ADH4: variants seen among roughly 807,000 people sequenced by gnomAD.
ADH4 encodes the protein all-trans-retinol dehydrogenase [NAD(+)] ADH4.
In ADH4, 31 loss-of-function variants were observed where a neutral mutation model predicts 35.2. The observed-to-expected ratio is 0.88, with a 90% CI of 0.66 to 1.19. The LOEUF (loss-of-function observed/expected upper bound fraction) is 1.19. Among genes scored for constraint, ADH4 ranks in the 50% most tolerant of loss-of-function variants. ADH4 has a pLI of 0.00. For synonymous variants in ADH4, 171 were observed against 160.2 expected (o/e 1.07, Z -0.51); for missense variants, 476 against 458.3 (o/e 1.04, Z -0.35).
intron 3 of ADH4, among the ~76,000 whole-genome samples, chr4:99,140,927 G>T (rs1048706544): frequency 6.6e-6 from 1 of 151,862 alleles, no homozygotes; most frequent in Non-Finnish European, 1.5e-5. Context: ...TACATGTGCA[G>T]GTTTGCTATA....
chr4:99,136,211 T>C (rs1729427800), intron 5 of ADH4, among the ~76,000 whole-genome samples: 1 of 152,198 alleles, frequency 6.6e-6, no homozygotes, highest in Non-Finnish European at 1.5e-5. Context: ...AATATGTTAG[T>C]ATAGTATAAG....
At chr4:99,126,058 TC>T (rs952180912) in intron 8 of ADH4, among the ~76,000 whole-genome samples, 1 of 152,142 alleles carries the variant, frequency 6.6e-6, no homozygotes, top group African/African-American at 2.4e-5. Flanking sequence ...GTTCCTGGGA[TC>T]CCTGACATGG....
intron 5 of ADH4, among the ~76,000 whole-genome samples, chr4:99,135,572 C>T (rs1279689374): frequency 6.6e-6 from 1 of 152,038 alleles, no homozygotes; most frequent in Non-Finnish European, 1.5e-5. Flanking sequence ...TGCTGGAAGC[C>T]AAGTGTGGAA....
intron 3 of ADH4, 61 bp from the exon 4 acceptor site, chr4:99,139,209 T>C (rs898788736): frequency 9.0e-7 from 1 of 1,116,756 alleles, no homozygotes; most frequent in South Asian, 1.4e-5. Flanking sequence ...TTCTACCAGA[T>C]AAATCAGTGG....
chr4:99,127,425 G>GA (rs1246377296), intron 6 of ADH4, 81 bp from the exon 7 acceptor site: 6 of 1,163,222 alleles, frequency 5.2e-6, no homozygotes, highest in African/African-American at 1.6e-5. Flanking sequence ...CAATGCTTTA[G>GA]AAAAAAATTA....
At chr4:99,132,953 G>GTA (rs772941672) in intron 5 of ADH4, among the ~76,000 whole-genome samples, 3 of 152,066 alleles carry the variant, frequency 2.0e-5, no homozygotes, top group Non-Finnish European at 4.4e-5. Flanking sequence ...TAATAAATAT[G>GTA]TATATATATT....
At chr4:99,141,779 T>C in intron 2 of ADH4, 97 bp from the exon 3 acceptor site, 3 of 1,187,538 alleles carry the variant, frequency 2.5e-6, no homozygotes, top group Non-Finnish European at 3.5e-6. Flanking sequence ...TTTAAAACTT[T>C]ATAAGACTTC....
chr4:99,124,348 C>G lies in ADH4; in HGVS notation c.*94G>C, dbSNP rs1452953058. 2 of 867,938 alleles carry G rather than the reference C, an allele frequency of 2.3e-6. No homozygotes were observed. Among genetic ancestry groups the G allele is most frequent in the Non-Finnish European group, 3.7e-6 (2 of 544,258 alleles). The allele number at this position is 867,938 out of a possible 1,614,324, so 53.8% of individuals were successfully genotyped here. A position where few individuals can be genotyped will look rare whatever the true frequency, so the allele number is the denominator to read the frequency against. On this transcript the variant is annotated 3_prime_UTR_variant, in exon 9 of 9. Coordinates refer to ENST00000265512, the MANE Select transcript of ADH4 (RefSeq NM_000670.5). ...TATTAAATGTAAATATTTGTTTAAA[C>G]TCATGGCTTTCCTTGGTTCATCAAA...
intron 5 of ADH4, among the ~76,000 whole-genome samples, chr4:99,133,957 T>C (rs1729360747): frequency 6.6e-6 from 1 of 152,216 alleles, no homozygotes; most frequent in Admixed American, 6.5e-5. Context: ...GATATGTATA[T>C]ACACAATGGA....
intron 4 of ADH4, among the ~76,000 whole-genome samples, chr4:99,137,701 T>C (rs1729491037): frequency 6.6e-6 from 1 of 152,214 alleles, no homozygotes; most frequent in Non-Finnish European, 1.5e-5. Flanking sequence ...TGAACCCTTA[T>C]GTGTCCATGT....
rs1274040769 is a variant in ADH4, at chr4:99,126,669, A to T, written c.1043T>A (p.Leu348Gln). 2 of 1,612,024 alleles carry T rather than the reference A, an allele frequency of 1.2e-6. No homozygotes were observed. Among genetic ancestry groups the T allele is most frequent in the Non-Finnish European group, 1.7e-6 (2 of 1,178,524 alleles). The part of the protein sequence containing the change: ...VTDYKNKKFN[L>Q]DALVTHTLPF... ...CAGGGTATGGGTCACCAGTGCATCC[A>T]GATTGAATTTCTTATTCTTATAGTC... The change falls in exon 8 of 9, where the codon CTG becomes CAG. Residue 348 changes from leucine (L) to glutamine (Q), a missense_variant. Leu to Gln is a moderately radical substitution (Grantham distance 113, BLOSUM62 -2). Coordinates refer to ENST00000265512, the MANE Select transcript of ADH4 (RefSeq NM_000670.5).
chr4:99,126,918 A>C (rs937968752), intron 7 of ADH4, among the ~76,000 whole-genome samples, 186 bp from the exon 8 acceptor site: 1 of 152,098 alleles, frequency 6.6e-6, no homozygotes, highest in East Asian at 1.9e-4. Context: ...GAAAAATTTA[A>C]GATTATTTTC....
At chr4:99,129,601 C>A (rs943118924) in intron 6 of ADH4, among the ~76,000 whole-genome samples, 4 of 152,150 alleles carry the variant, frequency 2.6e-5, no homozygotes, top group African/African-American at 9.7e-5. Context: ...GTCAGTTCAC[C>A]TTTTGCTATG....
chr4:99,137,792 T>C (rs980664792), intron 4 of ADH4, among the ~76,000 whole-genome samples: 7 of 152,184 alleles, frequency 4.6e-5, no homozygotes, highest in African/African-American at 1.4e-4. Flanking sequence ...CTCCCCCACA[T>C]TGGAATATTT....
At chr4:99,128,405 C>G (rs964047588) in intron 6 of ADH4, among the ~76,000 whole-genome samples, 2 of 152,078 alleles carry the variant, frequency 1.3e-5, no homozygotes, top group Non-Finnish European at 2.9e-5. Flanking sequence ...CACTGCACTC[C>G]ACCGGGCGAC....
chr4:99,137,619 C>A (rs10026860), intron 4 of ADH4, among the ~76,000 whole-genome samples: 24,500 of 152,108 alleles, frequency 0.16, 2,784 homozygotes, highest in African/African-American at 0.29. Flanking sequence ...AAGGGCTTTA[C>A]ATGTATTAAC....
At chr4:99,127,536 G>T (rs1279124876) in intron 6 of ADH4, among the ~76,000 whole-genome samples, 192 bp from the exon 7 acceptor site, 1 of 152,174 alleles carries the variant, frequency 6.6e-6, no homozygotes, top group Admixed American at 6.6e-5. Context: ...CAAATAGAAT[G>T]TTCAGCACAG....
rs780362485 is a variant in ADH4, at chr4:99,142,807, G to A, written c.19-27C>T. On this transcript the variant is annotated intron_variant, in intron 1 of 8. Coordinates refer to ENST00000265512, the MANE Select transcript of ADH4 (RefSeq NM_000670.5). ...TGAAAGAGAGAAAGAAAAGGAAGAG[G>A]GAGATAGAGATAGAGATTTTGACAG... The A allele has an allele frequency of 1.5e-5, 23 of 1,552,138 alleles. 1 individual carries two copies. In the South Asian group the frequency reaches 2.7e-4, roughly 18 times the overall value.
chr4:99,136,620 A>T lies in ADH4; in HGVS notation c.428T>A (p.Val143Asp). ...TSRFTCKGKP[V>D]YHFFGTSTFS... ...TGTACTGGTTCCAAAGAAATGGTAA[A>T]CTGGTTTTCCTTTGCAGGTAAACCT... Residue 143 changes from valine (V) to aspartate (D), a missense_variant, in exon 5 of 9, where the codon GTT (valine) becomes GAT (aspartate). Coordinates refer to ENST00000265512, the MANE Select transcript of ADH4 (RefSeq NM_000670.5). The T allele has an allele frequency of 6.2e-7, 1 of 1,614,102 alleles. No individual in the cohort carries two copies. The highest frequency in any genetic ancestry group is 2.2e-5 in the East Asian group (1 of 44,866).
Sources: allele counts gnomAD v4.1 joint callset (sites outside exome capture counted in the v4.1 genomes callset), GRCh38; gene constraint gnomAD v4.1.1; transcripts MANE v1.5; gene names NCBI Gene and HGNC (gene_info 2026-07-23, HGNC 2026-07-21).